CNNM1: variants seen among roughly 807,000 people sequenced by gnomAD.
CNNM1 encodes the protein cyclin and CBS domain divalent metal cation transport mediator 1, also known as metal transporter CNNM1.
A neutral mutation model predicts 78.8 loss-of-function variants in CNNM1; 44 were observed. The ratio of observed to expected loss-of-function variants is 0.56; its 90% confidence interval spans 0.44 to 0.72. The LOEUF is 0.72. Ranked by LOEUF, CNNM1 falls within the 30% of genes least tolerant of loss-of-function variation. The pLI, the probability that CNNM1 is intolerant of heterozygous loss-of-function variation, is 0.00. For synonymous variants in CNNM1, 584 were observed against 581.5 expected (o/e 1.00, Z -0.06); for missense variants, 1,101 against 1,292.2 (o/e 0.85, Z 2.27).
At chr10:99,382,988 T>A (rs1284308686) in intron 7 of CNNM1, among the ~76,000 whole-genome samples, 1 of 152,210 alleles carries the variant, frequency 6.6e-6, no homozygotes, top group Admixed American at 6.5e-5. Context: ...AATGGTTATA[T>A]CTACTGCAAT....
At chr10:99,344,355 G>C (rs1417310793) in intron 1 of CNNM1, among the ~76,000 whole-genome samples, 1 of 149,306 alleles carries the variant, frequency 6.7e-6, no homozygotes, top group Non-Finnish European at 1.5e-5. Context: ...AGGTGGGGGT[G>C]GGGGGGAATA....
At chr10:99,384,133 C>T (rs558238656) in intron 7 of CNNM1, among the ~76,000 whole-genome samples, 87 of 152,224 alleles carry the variant, frequency 5.7e-4, no homozygotes, top group Non-Finnish European at 8.4e-4. Flanking sequence ...ACGGGACTCA[C>T]GTTACATTTC....
chr10:99,350,108 A>G (rs887297555), intron 1 of CNNM1, among the ~76,000 whole-genome samples: 1 of 152,194 alleles, frequency 6.6e-6, no homozygotes, highest in African/African-American at 2.4e-5. Context: ...TTTTGAACAA[A>G]GGCCCAGGTA....
At chr10:99,364,899 T>G in intron 5 of CNNM1, 56 bp from the exon 6 acceptor site, 1 of 1,541,648 alleles carries the variant, frequency 6.5e-7, no homozygotes, top group South Asian at 1.2e-5. Flanking sequence ...AAGATTCCCA[T>G]AAGAAGTGTG....
intron 6 of CNNM1, among the ~76,000 whole-genome samples, chr10:99,365,551 G>T (rs549284103): frequency 6.6e-6 from 1 of 152,304 alleles, no homozygotes; most frequent in East Asian, 1.9e-4. Flanking sequence ...TGCTGTTGGT[G>T]GGGGGCAGGC....
At chr10:99,388,031 T>C in intron 8 of CNNM1, 28 bp downstream of exon 8, 1 of 1,576,028 alleles carries the variant, frequency 6.3e-7, no homozygotes, top group Non-Finnish European at 8.6e-7. Context: ...ACGGGCAGGC[T>C]GGGCTGGTGT....
chr10:99,373,345 T>C (rs1215158040), intron 6 of CNNM1, among the ~76,000 whole-genome samples: 1 of 152,208 alleles, frequency 6.6e-6, no homozygotes, highest in African/African-American at 2.4e-5. Context: ...TCTCTTCCCT[T>C]GGTTATGTCC....
chr10:99,389,535 A>T (rs1460435667), intron 9 of CNNM1, among the ~76,000 whole-genome samples: 1 of 152,078 alleles, frequency 6.6e-6, no homozygotes, highest in Non-Finnish European at 1.5e-5. Flanking sequence ...TTTAGAACTG[A>T]TGTTCCTTTT....
Position 99,332,672 on chromosome 10 carries a change from T to C in CNNM1, c.1573+1712T>C, listed in dbSNP as rs181746383. Among the ~76,000 whole-genome samples the C allele has an allele frequency of 1.5e-4, 23 of 152,296 alleles. No individual in the cohort carries two copies. In the East Asian group the frequency reaches 3.9e-3, roughly 26 times the overall value. On this transcript the variant is annotated intron_variant, in intron 1 of 10. Transcript: ENST00000356713. ...CCTGCCACAATTTTTGAAATCATATTAAATATTAAAATGTAGCCTGGAAGG... is the reference window on the plus strand; with the variant it reads ...CCTGCCACAATTTTTGAAATCATATCAAATATTAAAATGTAGCCTGGAAGG...
intron 7 of CNNM1, among the ~76,000 whole-genome samples, chr10:99,384,015 T>G (rs938479036): frequency 1.2e-4 from 18 of 152,332 alleles, no homozygotes; most frequent in African/African-American, 4.1e-4. Flanking sequence ...ACTAATCACA[T>G]GATGATGTGA....
chr10:99,372,783 G>A (rs747344519), intron 6 of CNNM1, among the ~76,000 whole-genome samples: 35 of 152,116 alleles, frequency 2.3e-4, no homozygotes, highest in Non-Finnish European at 4.0e-4. Context: ...TCCAGGACAC[G>A]AAAACATTGA....
chr10:99,375,640 T>TC (rs1249550544), intron 6 of CNNM1, among the ~76,000 whole-genome samples: 1 of 152,214 alleles, frequency 6.6e-6, no homozygotes, highest in African/African-American at 2.4e-5. Flanking sequence ...GCTAAATAGA[T>TC]CATCAACCTT....
In CNNM1 at chr10:99,329,357, C is replaced by G. The variant is rs1156507082; in HGVS notation, c.-31C>G. 5.3e-6 allele frequency: 3 copies of G among 566,492 alleles called. No homozygotes were observed. The highest frequency in any genetic ancestry group is 8.8e-6 in the Non-Finnish European group (3 of 339,762). 35.1% of individuals were successfully genotyped at this position (566,492 alleles called of 1,614,324 possible). A position where few individuals can be genotyped will look rare whatever the true frequency, so the allele number is the denominator to read the frequency against. Reference sequence around the variant, plus strand: ...CCTCCAGCTCTCGCTCGGCTTCCTGCAGTATCACGTGCAGCTGCGCTGGGT... The same window carrying G: ...CCTCCAGCTCTCGCTCGGCTTCCTGGAGTATCACGTGCAGCTGCGCTGGGT... On this transcript the variant is annotated 5_prime_UTR_variant, in exon 1 of 11. Coordinates refer to ENST00000356713, the MANE Select transcript of CNNM1 (RefSeq NM_020348.3).
intron 6 of CNNM1, among the ~76,000 whole-genome samples, chr10:99,368,840 C>T (rs2031714312): frequency 6.6e-6 from 1 of 152,200 alleles, no homozygotes. Context: ...TTGCACATAC[C>T]ACCCAGGCAT....
chr10:99,379,577 T>C (rs1367248841), intron 7 of CNNM1, among the ~76,000 whole-genome samples: 2 of 151,590 alleles, frequency 1.3e-5, no homozygotes, highest in East Asian at 3.9e-4. Context: ...GCATCACAGG[T>C]GGTATCACCT....
At chr10:99,340,834 T>C (rs1021348817) in intron 1 of CNNM1, among the ~76,000 whole-genome samples, 1 of 140,388 alleles carries the variant, frequency 7.1e-6, no homozygotes, top group African/African-American at 2.7e-5. Flanking sequence ...TTTTCTTTTC[T>C]TTCTCTTTCT....
intron 1 of CNNM1, among the ~76,000 whole-genome samples, chr10:99,336,975 G>A (rs1489009777): frequency 6.6e-6 from 1 of 152,088 alleles, no homozygotes; most frequent in African/African-American, 2.4e-5. Context: ...GAATGCCTGG[G>A]TTGATACTGG....
rs775169506 is a variant in CNNM1 at position 99,377,201 on chromosome 10, G to A, written c.2323G>A (p.Asp775Asn). Residue 775 changes from aspartate (D) to asparagine (N), a missense_variant, in exon 7 of 11, where the codon GAT (aspartate) becomes AAT (asparagine). By Grantham distance (23) the Asp-to-Asn change is conservative. This residue lies in a region of CNNM1 where 348 missense variants were observed against 384.5 expected (regional missense o/e 0.90). Coordinates refer to ENST00000356713, the MANE Select transcript of CNNM1 (RefSeq NM_020348.3). ...TGACTACTCAGTCCACATCCTCAGC[G>A]ATGTGCAGTTTGTGAAGGTAACTCC... is the stretch of plus-strand genomic sequence containing the variant. ...MPDYSVHILS[D>N]VQFVKITRQQ... The A allele has an allele frequency of 2.2e-5, 36 of 1,613,492 alleles. No homozygotes were observed. The East Asian group carries it at 2.7e-4, about 12-fold the overall frequency.
At chr10:99,389,097 C>G (rs1281694232) in intron 9 of CNNM1, among the ~76,000 whole-genome samples, 1 of 152,134 alleles carries the variant, frequency 6.6e-6, no homozygotes, top group Non-Finnish European at 1.5e-5. Context: ...AAGTCCAGAG[C>G]AACAACCTGA....
Sources: gnomAD v4.1 joint callset for allele counts (sites outside exome capture counted in the v4.1 genomes callset) on GRCh38, gnomAD v4.1.1 for gene constraint, gnomAD v4.1.1 regional missense constraint, MANE v1.5 for transcripts, NCBI Gene and HGNC (gene_info 2026-07-23, HGNC 2026-07-21) for gene names.